Variants in LIX1L observed in about 807,000 individuals in gnomAD.
LIX1L encodes limb and CNS expressed 1 like.
A neutral mutation model predicts 34.0 loss-of-function variants in LIX1L; 20 were observed. That is an observed-to-expected ratio of 0.59 (90% CI 0.41 to 0.85). The LOEUF is 0.85. LIX1L is among the 40% of genes least tolerant of loss of function. LIX1L has a pLI of 0.00. For synonymous variants in LIX1L, 170 were observed against 187.4 expected, an observed-to-expected ratio of 0.91 and a Z score of 0.76; for missense variants, 397 against 447.0, an observed-to-expected ratio of 0.89 and a Z score of 1.01.
intron 2 of LIX1L, among the ~76,000 whole-genome samples, 167 bp from the exon 3 acceptor site, chr1:145,943,020 T>C (rs1336051385): frequency 6.6e-6 from 1 of 152,220 alleles, no homozygotes; most frequent in Admixed American, 6.5e-5. Flanking sequence ...GGTTGGGATG[T>C]TTGGAAACAT....
chr1:145,939,188 C>T (rs1246736077), intron 3 of LIX1L, among the ~76,000 whole-genome samples: 20 of 151,724 alleles, frequency 1.3e-4, no homozygotes, highest in Non-Finnish European at 8.8e-5. Flanking sequence ...CTTTATGTTG[C>T]CCAGGCTGTA....
chr1:145,937,930 C>A lies in LIX1L; in HGVS notation c.598-231G>T, dbSNP rs147766491. Among the ~76,000 whole-genome samples, 187 of 152,190 alleles carry A rather than the reference C, an allele frequency of 1.2e-3. 5 individuals carry two copies. In the East Asian group the frequency reaches 0.033, roughly 27 times the overall value. On this transcript the variant is annotated intron_variant, in intron 3 of 5. Coordinates refer to ENST00000604000, the MANE Select transcript of LIX1L (RefSeq NM_153713.3). ...ATCACTTGAGGTCAGGAGTTTGAGA[C>A]CAGCCTGGCCAACATGGTGAAACCG...
Position 145,936,110 on chromosome 1 carries a change from TTCAA to T in LIX1L, c.*196_*199del, listed in dbSNP as rs1648629321. ...TTGTTGTAAAGTGGACTGAAGATGT[TTCAA>T]ATAAAACTACATCCAAAAACTGGTA... On this transcript the variant is annotated 3_prime_UTR_variant, in exon 6 of 6. Coordinates refer to ENST00000604000, the MANE Select transcript of LIX1L (RefSeq NM_153713.3). 2 of 606,910 alleles carry T rather than the reference TTCAA, an allele frequency of 3.3e-6. No individual in the cohort carries two copies. The highest frequency in any genetic ancestry group is 3.7e-5 in the African/African-American group (2 of 53,776). The allele number at this position is 606,910 out of a possible 1,614,324, so 37.6% of individuals were successfully genotyped here.
chr1:145,942,576 G>T, intron 3 of LIX1L, 137 bp downstream of exon 3: 2 of 778,110 alleles, frequency 2.6e-6, no homozygotes, highest in Non-Finnish European at 2.1e-6. Context: ...GACTGACAGA[G>T]AATAAATCAA....
chr1:145,936,394 C>A lies in LIX1L; in HGVS notation c.930G>T (p.Lys310Asn), dbSNP rs782075319. ...TCTTCTCCTTGTGGAAGCGCAGCTC[C>A]TTGCCTGCCAGTCGGGCTTCATCCA... ...RELDEARLAG[K>N]ELRFHKEKKD... is the part of the protein sequence containing the mutation. Residue 310 changes from lysine to asparagine, a missense_variant, in exon 6 of 6, where the codon AAG becomes AAT. Coordinates refer to ENST00000604000, the MANE Select transcript of LIX1L (RefSeq NM_153713.3). 7 of 1,614,168 alleles carry A rather than the reference C, an allele frequency of 4.3e-6. No homozygotes were observed. In the South Asian group the frequency reaches 6.6e-5, roughly 15 times the overall value.
At chr1:145,956,130 A>G (rs1289642849) in intron 1 of LIX1L, among the ~76,000 whole-genome samples, 1 of 152,198 alleles carries the variant, frequency 6.6e-6, no homozygotes, top group Non-Finnish European at 1.5e-5. Context: ...TCTTGGGATT[A>G]CATTGGAAAA....
At chr1:145,946,825 A>C (rs960062850) in intron 2 of LIX1L, among the ~76,000 whole-genome samples, 1 of 152,208 alleles carries the variant, frequency 6.6e-6, no homozygotes, top group Non-Finnish European at 1.5e-5. Context: ...TAAGGGTTTC[A>C]CAAACCATAT....
At chr1:145,953,089 A>T (rs1163371883) in intron 1 of LIX1L, among the ~76,000 whole-genome samples, 10 of 151,556 alleles carry the variant, frequency 6.6e-5, no homozygotes, top group African/African-American at 1.7e-4. Flanking sequence ...ATTCAAAAAA[A>T]TTTTTTTGTA....
rs944644118 is a variant in LIX1L, at chr1:145,948,937, C to G, written c.293-1155G>C. The stretch of plus-strand genomic sequence containing the variant: ...GTTGTGAAGCAACCCATGGCCTATG[C>G]AAGTATCCACCTGAGTCCTCTGCAT... On this transcript the variant is annotated intron_variant, in intron 1 of 5. Transcript: ENST00000604000. This position sits in a 1 kb window ranked among gnomAD's most constrained non-coding sequence, Gnocchi z 4.0. 1 of 152,172 alleles carries G rather than the reference C, an allele frequency of 6.6e-6. No homozygotes were observed. The highest frequency in any genetic ancestry group is 1.5e-5 in the Non-Finnish European group (1 of 68,024). 9.4% of individuals were successfully genotyped at this position (152,172 alleles called of 1,614,324 possible). A position where few individuals can be genotyped will look rare whatever the true frequency, so the allele number is the denominator to read the frequency against.
At position 145,957,942 on chromosome 1, in the gene LIX1L, G is replaced by A. The variant is rs1285271133; in HGVS notation, c.-15C>T. ...ATAGTCTCCATCCCGGCCGCCAATG[G>A]AGTAGCGCCCCGGAGCCTGCCAGCC... On this transcript the variant is annotated 5_prime_UTR_variant, in exon 1 of 6. Transcript: ENST00000604000. The A allele has an allele frequency of 4.8e-6, 7 of 1,457,596 alleles. No individual in the cohort carries two copies. The highest frequency in any genetic ancestry group is 6.3e-6 in the Non-Finnish European group (7 of 1,105,432). 90.3% of individuals were successfully genotyped at this position (1,457,596 alleles called of 1,614,324 possible). A position where few individuals can be genotyped will look rare whatever the true frequency, so the allele number is the denominator to read the frequency against.
chr1:145,937,480 A>G (rs1459715254), intron 4 of LIX1L, 124 bp downstream of exon 4: 8 of 637,500 alleles, frequency 1.3e-5, no homozygotes, highest in Non-Finnish European at 1.9e-5. Flanking sequence ...TATTTTTGAA[A>G]AATAGTGTAA....
At chr1:145,936,844 C>T in intron 5 of LIX1L, 64 bp downstream of exon 5, 2 of 1,148,974 alleles carry the variant, frequency 1.7e-6, no homozygotes, top group Non-Finnish European at 2.6e-6. Flanking sequence ...ATAGTAACCA[C>T]CTCAAAAGAG....
intron 3 of LIX1L, among the ~76,000 whole-genome samples, chr1:145,940,348 C>CT (rs1358107140): frequency 6.8e-5 from 10 of 146,902 alleles, no homozygotes; most frequent in Non-Finnish European, 1.5e-4. Context: ...CTTTCCTTTT[C>CT]TATTTTTTTT....
intron 2 of LIX1L, among the ~76,000 whole-genome samples, chr1:145,943,873 C>T (rs1235196760): frequency 6.8e-6 from 1 of 146,714 alleles, no homozygotes; most frequent in Non-Finnish European, 1.5e-5. Flanking sequence ...CCTGTCTCTA[C>T]CAAAAAAAAA....
At chr1:145,938,023 G>A (rs1162398584) in intron 3 of LIX1L, among the ~76,000 whole-genome samples, 1 of 151,892 alleles carries the variant, frequency 6.6e-6, no homozygotes, top group Non-Finnish European at 1.5e-5. Flanking sequence ...CAGCTACTCA[G>A]GAGGCTGAGG....
intron 1 of LIX1L, among the ~76,000 whole-genome samples, chr1:145,951,703 G>A (rs781983571): frequency 5.9e-5 from 9 of 152,266 alleles, no homozygotes; most frequent in African/African-American, 1.2e-4. Flanking sequence ...GATCTTTTCA[G>A]CTCCAGTTCC....
intron 3 of LIX1L, chr1:145,940,128 G>C (rs1030051957): frequency 6.6e-6 from 1 of 151,786 alleles, no homozygotes; most frequent in Non-Finnish European, 1.5e-5. Context: ...ACCACACCCA[G>C]CTAATTTTTA....
intron 1 of LIX1L, among the ~76,000 whole-genome samples, chr1:145,951,743 G>A (rs1016634032): frequency 3.3e-4 from 50 of 152,236 alleles, no homozygotes; most frequent in African/African-American, 1.1e-3. Context: ...ACAATGCACT[G>A]GGTGACAGCT....
At chr1:145,951,111 A>G (rs1373819757) in intron 1 of LIX1L, among the ~76,000 whole-genome samples, 1 of 152,148 alleles carries the variant, frequency 6.6e-6, no homozygotes, top group Non-Finnish European at 1.5e-5. Flanking sequence ...CAGTGGCGCA[A>G]TCTTGGCTCA....
Sources: gnomAD v4.1 joint callset for allele counts (sites outside exome capture counted in the v4.1 genomes callset) on GRCh38, gnomAD v4.1.1 for gene constraint, Gnocchi (gnomAD v3.1) non-coding constraint, MANE v1.5 for transcripts, NCBI Gene and HGNC (gene_info 2026-07-23, HGNC 2026-07-21) for gene names.